Variants in PCDH10 observed in about 807,000 individuals in gnomAD.
PCDH10 encodes protocadherin-10.
In PCDH10, 15 loss-of-function variants were observed where a neutral mutation model predicts 74.4. That is an observed-to-expected ratio of 0.20 (90% CI 0.13 to 0.31). The LOEUF (loss-of-function observed/expected upper bound fraction) is 0.31, where lower values mean the gene tolerates loss of function less well. Among genes scored for constraint, PCDH10 ranks in the 10% least tolerant of loss-of-function variants. The pLI is 1.00. For missense variants in PCDH10, 1,260 were observed against 1,390.2 expected, an observed-to-expected ratio of 0.91 and a Z score of 1.49; for synonymous variants, 619 against 589.8, an observed-to-expected ratio of 1.05 and a Z score of -0.72.
intron 4 of PCDH10, among the ~76,000 whole-genome samples, chr4:133,182,233 T>C (rs1052506093): frequency 6.6e-6 from 1 of 152,106 alleles, no homozygotes; most frequent in Non-Finnish European, 1.5e-5. Flanking sequence ...CCTTCTGTTT[T>C]GAAAATCAAT....
In PCDH10 at chr4:133,152,139, C is replaced by A; in HGVS notation, c.1999C>A (p.Pro667Thr). 6.4e-7 allele frequency: 1 copy of A among 1,565,718 alleles called. No individual in the cohort carries two copies. The highest frequency in any genetic ancestry group is 8.6e-7 in the Non-Finnish European group (1 of 1,156,760). ...CGAGGTGCGCGACCATGGGCAGCCG[C>A]CCCTTTCCTCCACCGCCACCCTGGT... ...VIEVRDHGQP[P>T]LSSTATLVVQ... The change falls in exon 1 of 5, where the codon CCC becomes ACC. Residue 667 changes from proline to threonine, a missense_variant. Transcript: ENST00000264360.
At chr4:133,206,176 G>A (rs546106199) in intron 2 of PCDH10, among the ~76,000 whole-genome samples, 1 of 152,186 alleles carries the variant, frequency 6.6e-6, no homozygotes, top group East Asian at 1.9e-4. Flanking sequence ...CAGGTCTTCT[G>A]CCTGGAGGTG....
chr4:133,187,407 T>A (rs562776309), intron 4 of PCDH10, among the ~76,000 whole-genome samples: 2 of 152,040 alleles, frequency 1.3e-5, no homozygotes, highest in Non-Finnish European at 1.5e-5. Context: ...ATCCTTCGAT[T>A]TTGGGGGCAA....
At chr4:133,183,918 A>C (rs534064827) in intron 4 of PCDH10, among the ~76,000 whole-genome samples, 1 of 152,190 alleles carries the variant, frequency 6.6e-6, no homozygotes, top group Non-Finnish European at 1.5e-5. Context: ...TCATTCATTG[A>C]TGTATATTTC....
chr4:133,182,941 T>C (rs1475105247), intron 4 of PCDH10, among the ~76,000 whole-genome samples: 5 of 152,102 alleles, frequency 3.3e-5, no homozygotes, highest in Non-Finnish European at 7.4e-5. Context: ...CTTGGCTTTT[T>C]TTAAACAAAT....
At chr4:133,180,396 T>C (rs1727390998) in intron 4 of PCDH10, among the ~76,000 whole-genome samples, 1 of 152,038 alleles carries the variant, frequency 6.6e-6, no homozygotes, top group African/African-American at 2.4e-5. Flanking sequence ...TGTAACAGTT[T>C]GTATGTATAT....
At chr4:133,201,661 C>T (rs1727911666) in intron 2 of PCDH10, among the ~76,000 whole-genome samples, 1 of 151,690 alleles carries the variant, frequency 6.6e-6, no homozygotes, top group Non-Finnish European at 1.5e-5. Context: ...GTTTGAGACC[C>T]GCCTGACCAA....
Position 133,191,144 on chromosome 4 carries a change from G to A in PCDH10, c.*984G>A, listed in dbSNP as rs1288977000. 2.6e-5 allele frequency: 4 copies of A among 152,188 alleles called. No individual in the cohort carries two copies. Among genetic ancestry groups the A allele is most frequent in the South Asian group, 2.1e-4 (1 of 4,828 alleles). The allele number at this position is 152,188 out of a possible 1,614,324, so 9.4% of individuals were successfully genotyped here. A position where few individuals can be genotyped will look rare whatever the true frequency, so the allele number is the denominator to read the frequency against. On this transcript the variant is annotated 3_prime_UTR_variant, in exon 5 of 5. Transcript: ENST00000264360. Reference sequence around the variant, plus strand: ...TCACTTAAAGCTTTTATAAAGAATCGATAAATTCACCTGTATTTGTTGTTA... The same window carrying A: ...TCACTTAAAGCTTTTATAAAGAATCAATAAATTCACCTGTATTTGTTGTTA...
chr4:133,198,593 A>G (rs1282246289), downstream of PCDH10, among the ~76,000 whole-genome samples: 1 of 152,202 alleles, frequency 6.6e-6, no homozygotes, highest in Non-Finnish European at 1.5e-5. Flanking sequence ...GTTTGCAAAT[A>G]TTACTCCGTT....
At position 133,151,879 on chromosome 4, in the gene PCDH10, G is replaced by A. The variant is rs1311495557; in HGVS notation, c.1739G>A (p.Gly580Glu). The change falls in exon 1 of 5, where the codon GGG (glycine) becomes GAG (glutamate). Residue 580 changes from glycine (G) to glutamate (E), a missense_variant. Transcript: ENST00000264360. ...NAPAIVAPLP[G>E]RNGTPAREVL... Reference sequence around the variant, plus strand: ...CCTGCCATCGTGGCGCCTCTACCAGGGCGCAACGGGACTCCAGCGCGTGAG... The same window carrying A: ...CCTGCCATCGTGGCGCCTCTACCAGAGCGCAACGGGACTCCAGCGCGTGAG... 1 of 1,613,032 alleles carries A rather than the reference G, an allele frequency of 6.2e-7. No individual in the cohort carries two copies. Among genetic ancestry groups the A allele is most frequent in the Non-Finnish European group, 8.5e-7 (1 of 1,179,992 alleles).
Position 133,151,395 on chromosome 4 carries a change from G to T in PCDH10, c.1255G>T (p.Ala419Ser). ...FKNYYTIVTE[A>S]PLDREAGDSY... is the part of the protein sequence containing the mutation. ...GAATTACTACACCATCGTTACCGAA[G>T]CCCCCCTGGACCGAGAGGCGGGGGA... Residue 419 changes from alanine to serine, a missense_variant, in exon 1 of 5, where the codon GCC (alanine) becomes TCC (serine). By Grantham distance (99) the Ala-to-Ser change is moderately conservative (BLOSUM62 1). Around this residue, in one of 11 missense-constraint regions of PCDH10, gnomAD observed 112 missense variants for 123.6 expected, o/e 0.91. Transcript: ENST00000264360. 1 of 1,614,116 alleles carries T rather than the reference G, an allele frequency of 6.2e-7. No homozygotes were observed. The highest frequency in any genetic ancestry group is 1.1e-5 in the South Asian group (1 of 91,090).
At chr4:133,181,572 C>T (rs927074987) in intron 4 of PCDH10, among the ~76,000 whole-genome samples, 19 of 151,988 alleles carry the variant, frequency 1.3e-4, no homozygotes, top group African/African-American at 4.6e-4. Context: ...CAAAGATTAT[C>T]GTACACACTG....
rs1164201546 is a variant in PCDH10 at position 133,194,460 on chromosome 4, G to A, written c.*4300G>A. ...GACAGTTATCTGTGAGTGAAAACAG[G>A]GTATTATAACAAAAGATGAGTTTCA... On this transcript the variant is annotated 3_prime_UTR_variant, in exon 5 of 5. Transcript: ENST00000264360. 2 of 151,588 alleles carry A rather than the reference G, an allele frequency of 1.3e-5. No individual in the cohort carries two copies. The highest frequency in any genetic ancestry group is 4.8e-5 in the African/African-American group (2 of 41,346). 9.4% of individuals were successfully genotyped at this position (151,588 alleles called of 1,614,324 possible).
At chr4:133,206,887 G>C (rs1227843697) in intron 2 of PCDH10, among the ~76,000 whole-genome samples, 1 of 152,018 alleles carries the variant, frequency 6.6e-6, no homozygotes, top group Non-Finnish European at 1.5e-5. Flanking sequence ...CTCTTCAGTA[G>C]ATTTTTTATT....
Position 133,160,481 on chromosome 4 carries a change from T to G in PCDH10, c.2798-2496T>G, listed in dbSNP as rs190922542. The stretch of plus-strand genomic sequence containing the variant: ...CTCAACTTGTGTGAACTTTACTACA[T>G]AATCTAAGGAAATTTTAACCAAACT... On this transcript the variant is annotated intron_variant, in intron 3 of 4. Coordinates refer to ENST00000264360, the MANE Select transcript of PCDH10 (RefSeq NM_032961.3). Among the ~76,000 whole-genome samples, 3 of 151,528 alleles carry G rather than the reference T, an allele frequency of 2.0e-5. No individual in the cohort carries two copies. The East Asian group carries it at 5.8e-4, about 29-fold the overall frequency.
intron 3 of PCDH10, 99 bp downstream of exon 3, chr4:133,155,122 G>A (rs979225137): frequency 1.4e-5 from 11 of 760,300 alleles, no homozygotes; most frequent in Non-Finnish European, 2.3e-5. Flanking sequence ...TTTTCCATAG[G>A]TCTAATGCTG....
Position 133,185,859 on chromosome 4 carries a change from C to T in PCDH10, c.3104-4282C>T, listed in dbSNP as rs140706360. Among the ~76,000 whole-genome samples, 875 of 152,178 alleles carry T rather than the reference C, an allele frequency of 5.7e-3. 8 individuals are homozygous for T. The highest frequency in any genetic ancestry group is 0.02 in the African/African-American group (835 of 41,538). ...AAAGGGTATTTTCTTTCCTCTTTTG[C>T]AAGTTTGACCATGTGAATATTCAAT... On this transcript the variant is annotated intron_variant, in intron 4 of 4. Coordinates refer to ENST00000264360, the MANE Select transcript of PCDH10 (RefSeq NM_032961.3).
In PCDH10 at chr4:133,149,941, TAAA is replaced by T; in HGVS notation, c.-193_-191del. 1 of 611,950 alleles carries T rather than the reference TAAA, an allele frequency of 1.6e-6. No homozygotes were observed. The highest frequency in any genetic ancestry group is 2.5e-6 in the Non-Finnish European group (1 of 402,302). 37.9% of individuals were successfully genotyped at this position (611,950 alleles called of 1,614,324 possible). On this transcript the variant is annotated 5_prime_UTR_variant, in exon 1 of 5. It adds an upstream start codon to the 5' untranslated region. Coordinates refer to ENST00000264360, the MANE Select transcript of PCDH10 (RefSeq NM_032961.3). ...CTGTCACCCTTCCTGTGCTAAGATT[TAAA>T]AAAAAATGAGGCTGGATTGCGGGAA...
In PCDH10 at chr4:133,150,592, T is replaced by C; in HGVS notation, c.452T>C (p.Val151Ala). The C allele has an allele frequency of 6.2e-7, 1 of 1,613,284 alleles. No homozygotes were observed. The highest frequency in any genetic ancestry group is 8.5e-7 in the Non-Finnish European group (1 of 1,179,852). The change falls in exon 1 of 5, where the codon GTG (valine) becomes GCG (alanine). Residue 151 changes from valine to alanine, a missense_variant. Transcript: ENST00000264360. ...FPLESAFDPD[V>A]GTNSLRDYEI... is the part of the protein sequence containing the mutation. ...TTGGAGAGCGCATTCGACCCAGACG[T>C]GGGCACCAACTCCTTGCGCGACTAC...
Sources: gnomAD v4.1 joint callset for allele counts (sites outside exome capture counted in the v4.1 genomes callset) on GRCh38, gnomAD v4.1.1 for gene constraint, gnomAD v4.1.1 regional missense constraint, MANE v1.5 for transcripts, NCBI Gene and HGNC (gene_info 2026-07-23, HGNC 2026-07-21) for gene names.